Variants in UNC5C observed in about 807,000 individuals in gnomAD.
The protein encoded by UNC5C is netrin receptor UNC5C.
A neutral mutation model predicts 99.8 loss-of-function variants in UNC5C; 47 were observed. The observed-to-expected ratio is 0.47, with a 90% CI of 0.37 to 0.60. The LOEUF is 0.60. Among genes scored for constraint, UNC5C ranks in the 20% least tolerant of loss-of-function variants. The probability of loss-of-function intolerance (pLI) is 0.00; values close to 1 mark genes in which losing one functional copy is unlikely to be tolerated. For synonymous variants in UNC5C, 487 were observed against 452.2 expected (o/e 1.08, Z -0.98); for missense variants, 1,062 against 1,165.9 (o/e 0.91, Z 1.30).
At chr4:95,443,371 G>C (rs1285746077) in intron 1 of UNC5C, among the ~76,000 whole-genome samples, 3 of 152,070 alleles carry the variant, frequency 2.0e-5, no homozygotes, top group African/African-American at 7.2e-5. Context: ...GAGTAACAGG[G>C]TACCTATTTT....
At chr4:95,188,922 C>T (rs899494325) in intron 12 of UNC5C, among the ~76,000 whole-genome samples, 1 of 152,214 alleles carries the variant, frequency 6.6e-6, no homozygotes, top group Admixed American at 6.5e-5. Context: ...AACCACAACA[C>T]AGTGTGCTCA....
chr4:95,535,815 T>C (rs1249538888), intron 1 of UNC5C, among the ~76,000 whole-genome samples: 1 of 151,826 alleles, frequency 6.6e-6, no homozygotes, highest in Non-Finnish European at 1.5e-5. Context: ...CACACACGGG[T>C]GCACACATAC....
chr4:95,198,943 A>T (rs577243316), intron 12 of UNC5C, among the ~76,000 whole-genome samples: 2 of 152,266 alleles, frequency 1.3e-5, no homozygotes, highest in East Asian at 1.9e-4. Flanking sequence ...CAATAGAATA[A>T]CCCAGGGAGT....
intron 1 of UNC5C, among the ~76,000 whole-genome samples, chr4:95,412,479 A>C (rs776226048): frequency 6.6e-6 from 1 of 152,010 alleles, no homozygotes; most frequent in Non-Finnish European, 1.5e-5. Context: ...CTTTATCTTG[A>C]GGTTGTTTTT....
intron 3 of UNC5C, among the ~76,000 whole-genome samples, chr4:95,285,278 A>T (rs533041531): frequency 1.3e-5 from 2 of 152,184 alleles, no homozygotes; most frequent in Non-Finnish European, 2.9e-5. Context: ...GAAGCAAGTA[A>T]TTCTTCAATG....
chr4:95,326,855 C>T (rs1055922650), intron 2 of UNC5C, among the ~76,000 whole-genome samples: 8 of 151,860 alleles, frequency 5.3e-5, no homozygotes, highest in Non-Finnish European at 1.5e-5. Context: ...ATGAAGTTAC[C>T]TTTGATAGAT....
At chr4:95,386,784 CA>C (rs922145767) in intron 1 of UNC5C, among the ~76,000 whole-genome samples, 2 of 152,006 alleles carry the variant, frequency 1.3e-5, no homozygotes, top group Non-Finnish European at 2.9e-5. Flanking sequence ...CACTTCCCCC[CA>C]AAAAAAGCCC....
intron 12 of UNC5C, among the ~76,000 whole-genome samples, chr4:95,195,410 AAT>A (rs561092790): frequency 2.4e-4 from 37 of 152,276 alleles, no homozygotes; most frequent in Non-Finnish European, 4.9e-4. Context: ...TGCACATGTG[AAT>A]ATATTAGTTT....
intron 1 of UNC5C, among the ~76,000 whole-genome samples, chr4:95,481,641 G>C (rs1236621907): frequency 6.6e-6 from 1 of 152,020 alleles, no homozygotes; most frequent in Non-Finnish European, 1.5e-5. Flanking sequence ...AAACAGCATG[G>C]TACTGGTACC....
chr4:95,485,723 A>G (rs1721309029), intron 1 of UNC5C, among the ~76,000 whole-genome samples: 1 of 151,764 alleles, frequency 6.6e-6, no homozygotes, highest in South Asian at 2.1e-4. Flanking sequence ...AGTTGTTTTG[A>G]TCAAAGTTTG....
intron 1 of UNC5C, among the ~76,000 whole-genome samples, chr4:95,372,470 G>A (rs1744774842): frequency 6.6e-6 from 1 of 152,106 alleles, no homozygotes; most frequent in African/African-American, 2.4e-5. Context: ...ACAGAAAAGC[G>A]ATTTCCAAAC....
intron 14 of UNC5C, among the ~76,000 whole-genome samples, chr4:95,180,436 C>CA (rs1736567950): frequency 6.6e-6 from 1 of 152,240 alleles, no homozygotes; most frequent in African/African-American, 2.4e-5. Context: ...AACCAACAAA[C>CA]AAAATCTTTT....
rs146620411 is a variant in UNC5C, at chr4:95,409,001, G to C, written c.125-73370C>G. On this transcript the variant is annotated intron_variant, in intron 1 of 15. Coordinates refer to ENST00000453304, the MANE Select transcript of UNC5C (RefSeq NM_003728.4). ...GCTACCCATGATCCGAATTTACAAAGAGGCAGGTGAAGTACACAGTTTGAC... is the reference window on the plus strand; with the variant it reads ...GCTACCCATGATCCGAATTTACAAACAGGCAGGTGAAGTACACAGTTTGAC... Among the ~76,000 whole-genome samples, 701 of 152,302 alleles carry C rather than the reference G, an allele frequency of 4.6e-3. 5 individuals carry two copies. The highest frequency in any genetic ancestry group is 0.016 in the African/African-American group (680 of 41,562).
chr4:95,462,016 C>A (rs1203198420), intron 1 of UNC5C, among the ~76,000 whole-genome samples: 1 of 151,910 alleles, frequency 6.6e-6, no homozygotes, highest in Non-Finnish European at 1.5e-5. Context: ...CAATCCTTTC[C>A]TCAATCAAGT....
intron 1 of UNC5C, among the ~76,000 whole-genome samples, chr4:95,430,116 G>C (rs1261141831): frequency 6.6e-6 from 1 of 152,062 alleles, no homozygotes; most frequent in Non-Finnish European, 1.5e-5. Context: ...AAAACCCACA[G>C]AATGTACAAC....
intron 1 of UNC5C, among the ~76,000 whole-genome samples, chr4:95,534,437 A>G (rs1282042783): frequency 2.0e-5 from 3 of 152,214 alleles, no homozygotes; most frequent in African/African-American, 4.8e-5. Context: ...TTTAAAAAAT[A>G]TAAAAGAAAT....
chr4:95,260,373 C>A (rs763378054), intron 4 of UNC5C, among the ~76,000 whole-genome samples: 27 of 152,190 alleles, frequency 1.8e-4, no homozygotes, highest in Non-Finnish European at 3.8e-4. Flanking sequence ...TGAGCCCATT[C>A]TCCCACCACT....
intron 4 of UNC5C, among the ~76,000 whole-genome samples, chr4:95,261,421 G>A (rs1740222197): frequency 6.6e-6 from 1 of 152,150 alleles, no homozygotes; most frequent in Non-Finnish European, 1.5e-5. Context: ...TTTTGACAAT[G>A]ACTTGAAATG....
intron 2 of UNC5C, among the ~76,000 whole-genome samples, chr4:95,333,125 A>C (rs1314793488): frequency 6.6e-6 from 1 of 152,192 alleles, no homozygotes; most frequent in Non-Finnish European, 1.5e-5. Flanking sequence ...TGTTTGTGGG[A>C]CTGTAAACTA....
Sources: allele counts gnomAD v4.1 joint callset (sites outside exome capture counted in the v4.1 genomes callset), GRCh38; gene constraint gnomAD v4.1.1; transcripts MANE v1.5; gene names NCBI Gene and HGNC (gene_info 2026-07-23, HGNC 2026-07-21).